ZNRF2: variants seen among roughly 807,000 people sequenced by gnomAD.
The protein encoded by ZNRF2 is zinc and ring finger 2.
Under a neutral mutation model 20.4 loss-of-function variants are expected in ZNRF2, and 16 were observed. That is an observed-to-expected ratio of 0.79 (90% CI 0.53 to 1.19). The LOEUF is 1.19. Ranked by LOEUF, ZNRF2 falls within the 50% of genes most tolerant of loss-of-function variation. The pLI, the probability that ZNRF2 is intolerant of heterozygous loss-of-function variation, is 0.00. For synonymous variants in ZNRF2, 178 were observed against 144.9 expected, an observed-to-expected ratio of 1.23 and a Z score of -1.64; for missense variants, 363 against 332.4, an observed-to-expected ratio of 1.09 and a Z score of -0.72.
intron 4 of ZNRF2, among the ~76,000 whole-genome samples, chr7:30,362,951 T>C (rs1259595931): frequency 1.3e-5 from 2 of 151,996 alleles, no homozygotes; most frequent in African/African-American, 4.8e-5. Context: ...ACCCCGTCTC[T>C]ACTGAAAATA....
intron 1 of ZNRF2, among the ~76,000 whole-genome samples, chr7:30,298,926 T>C (rs4000224): frequency 1.2e-4 from 18 of 152,242 alleles, no homozygotes; most frequent in Admixed American, 9.2e-4. Context: ...AAAATTATTA[T>C]TCTTTAATTT....
intron 2 of ZNRF2, among the ~76,000 whole-genome samples, chr7:30,338,416 TCCCCTAGCCCC>T: frequency 8.4e-6 from 1 of 119,150 alleles, no homozygotes; most frequent in South Asian, 2.9e-4. Context: ...ATGCTGTCCC[TCCCCTAGCCCC>T]CCCCCACCCC....
intron 1 of ZNRF2, among the ~76,000 whole-genome samples, chr7:30,293,982 A>G (rs1798963091): frequency 6.6e-6 from 1 of 152,118 alleles, no homozygotes; most frequent in African/African-American, 2.4e-5. Flanking sequence ...CCATGCATAC[A>G]TAATGGGTTA....
chr7:30,312,770 G>A (rs1007204867), intron 1 of ZNRF2, among the ~76,000 whole-genome samples: 21 of 152,280 alleles, frequency 1.4e-4, no homozygotes, highest in African/African-American at 5.1e-4. Context: ...CATTAAGACT[G>A]TAACTACACC....
At chr7:30,350,281 T>C (rs901853402) in intron 2 of ZNRF2, among the ~76,000 whole-genome samples, 1 of 152,080 alleles carries the variant, frequency 6.6e-6, no homozygotes, top group Non-Finnish European at 1.5e-5. Flanking sequence ...GTATAAACTT[T>C]TTTTAAAAAG....
At chr7:30,342,810 T>A (rs976085098) in intron 2 of ZNRF2, among the ~76,000 whole-genome samples, 1 of 152,188 alleles carries the variant, frequency 6.6e-6, no homozygotes, top group Admixed American at 6.5e-5. Flanking sequence ...TGGTTTTTTT[T>A]AGATGAGGTA....
chr7:30,358,754 G>A (rs1349493530), intron 3 of ZNRF2, among the ~76,000 whole-genome samples: 1 of 152,216 alleles, frequency 6.6e-6, no homozygotes, highest in Non-Finnish European at 1.5e-5. Context: ...TATCTGGAGA[G>A]ACAGCATAGC....
intron 2 of ZNRF2, among the ~76,000 whole-genome samples, chr7:30,339,748 C>G (rs904745174): frequency 6.6e-6 from 1 of 152,124 alleles, no homozygotes; most frequent in East Asian, 1.9e-4. Flanking sequence ...GCTCTATGGG[C>G]TCTTTTTTGG....
At position 30,285,452 on chromosome 7, in the gene ZNRF2, A is replaced by T. The variant is rs780405670; in HGVS notation, c.95A>T (p.Asn32Ile). The T allele has an allele frequency of 4.3e-6, 5 of 1,155,806 alleles. No individual in the cohort carries two copies. The African/African-American group carries it at 6.8e-5, about 16-fold the overall frequency. The allele number at this position is 1,155,806 out of a possible 1,614,324, so 71.6% of individuals were successfully genotyped here. A position where few individuals can be genotyped will look rare whatever the true frequency, so the allele number is the denominator to read the frequency against. The change falls in exon 1 of 5, where the codon AAT becomes ATT. Residue 32 changes from asparagine (N) to isoleucine (I), a missense_variant. Physicochemically the swap from Asn to Ile is moderately radical, Grantham distance 149. Coordinates refer to ENST00000323037, the MANE Select transcript of ZNRF2 (RefSeq NM_147128.4). ...DLPSSSSGGANGTAGGGGGAR... is the reference protein window; with the variant it reads ...DLPSSSSGGAIGTAGGGGGAR... ...CCTTCCAGTAGCAGCGGAGGCGCCA[A>T]TGGGACCGCGGGCGGCGGCGGGGGC...
chr7:30,292,307 C>G (rs1341581546), intron 1 of ZNRF2, among the ~76,000 whole-genome samples: 3 of 152,096 alleles, frequency 2.0e-5, no homozygotes. Flanking sequence ...CATGCTGTTT[C>G]CATTTCCACC....
Position 30,367,209 on chromosome 7 carries a change from G to A in ZNRF2, c.*1197G>A, listed in dbSNP as rs545136201. The A allele has an allele frequency of 3.9e-4, 60 of 152,594 alleles. No individual in the cohort carries two copies. Among genetic ancestry groups the A allele is most frequent in the African/African-American group, 1.3e-3 (55 of 41,552 alleles). The allele number at this position is 152,594 out of a possible 1,614,324, so 9.5% of individuals were successfully genotyped here. A position where few individuals can be genotyped will look rare whatever the true frequency, so the allele number is the denominator to read the frequency against. ...TATAATTTATTCATGTGTTATTACTGTAATTGAAAATGTTATAGACACTTT... is the reference window on the plus strand; with the variant it reads ...TATAATTTATTCATGTGTTATTACTATAATTGAAAATGTTATAGACACTTT... On this transcript the variant is annotated 3_prime_UTR_variant, in exon 5 of 5. Coordinates refer to ENST00000323037, the MANE Select transcript of ZNRF2 (RefSeq NM_147128.4).
chr7:30,328,982 C>G (rs965309486), intron 2 of ZNRF2, among the ~76,000 whole-genome samples: 1 of 152,188 alleles, frequency 6.6e-6, no homozygotes, highest in Non-Finnish European at 1.5e-5. Context: ...TTCCCTCTTT[C>G]ATGTGCTTCA....
At chr7:30,337,201 C>CT (rs1396476968) in intron 2 of ZNRF2, among the ~76,000 whole-genome samples, 2 of 152,072 alleles carry the variant, frequency 1.3e-5, no homozygotes, top group Admixed American at 1.3e-4. Flanking sequence ...CGGATTGAAT[C>CT]TTTTTATGTT....
intron 2 of ZNRF2, among the ~76,000 whole-genome samples, chr7:30,349,775 A>G (rs1296930780): frequency 6.6e-6 from 1 of 152,156 alleles, no homozygotes; most frequent in African/African-American, 2.4e-5. Context: ...GTGATTGAAT[A>G]GAAATGAACC....
At position 30,334,162 on chromosome 7, in the gene ZNRF2, AT is replaced by A. The variant is rs566554914; in HGVS notation, c.565+10429del. ...GAAGTCTTTAGTTCATCTTGCGTGAATTTTGTTATATAATAAAAGGTAGGGG... is the reference window on the plus strand; with the variant it reads ...GAAGTCTTTAGTTCATCTTGCGTGAATTTGTTATATAATAAAAGGTAGGGG... On this transcript the variant is annotated intron_variant, in intron 2 of 4. Coordinates refer to ENST00000323037, the MANE Select transcript of ZNRF2 (RefSeq NM_147128.4). Among the ~76,000 whole-genome samples, 556 of 152,114 alleles carry A rather than the reference AT, an allele frequency of 3.7e-3. 2 individuals carry two copies. Among genetic ancestry groups the A allele is most frequent in the African/African-American group, 0.013 (543 of 41,492 alleles).
At chr7:30,295,176 C>T (rs1454653459) in intron 1 of ZNRF2, among the ~76,000 whole-genome samples, 2 of 150,290 alleles carry the variant, frequency 1.3e-5, no homozygotes, top group Non-Finnish European at 3.0e-5. Context: ...CTCTGTACTT[C>T]CAACTACATG....
chr7:30,305,474 A>C (rs42575), intron 1 of ZNRF2, among the ~76,000 whole-genome samples: 180 of 152,192 alleles, frequency 1.2e-3, no homozygotes, highest in African/African-American at 4.3e-3. Flanking sequence ...GTATTTTTGT[A>C]AGTTTGTTCT....
In ZNRF2 at chr7:30,287,561, G is replaced by A. The variant is rs147140510; in HGVS notation, c.469+1735G>A. On this transcript the variant is annotated intron_variant, in intron 1 of 4. Coordinates refer to ENST00000323037, the MANE Select transcript of ZNRF2 (RefSeq NM_147128.4). Reference sequence around the variant, plus strand: ...TCTATTCAGAGCAAGAGACAGTTGAGCCCCATGCTATTCCTAGTAAGTAAA... The same window carrying A: ...TCTATTCAGAGCAAGAGACAGTTGAACCCCATGCTATTCCTAGTAAGTAAA... Among the ~76,000 whole-genome samples the A allele has an allele frequency of 9.5e-4, 145 of 152,112 alleles. No individual in the cohort carries two copies. The East Asian group carries it at 0.014, about 15-fold the overall frequency.
chr7:30,333,033 C>G (rs1799659232), intron 2 of ZNRF2, among the ~76,000 whole-genome samples: 1 of 151,838 alleles, frequency 6.6e-6, no homozygotes, highest in African/African-American at 2.4e-5. Flanking sequence ...CATATCCTCA[C>G]CAACCTCTGT....
Sources: allele counts gnomAD v4.1 joint callset (sites outside exome capture counted in the v4.1 genomes callset), GRCh38; gene constraint gnomAD v4.1.1; transcripts MANE v1.5; gene names NCBI Gene and HGNC (gene_info 2026-07-23, HGNC 2026-07-21).